DDX19A: variants seen among roughly 807,000 people sequenced by gnomAD.
DDX19A encodes the protein ATP-dependent RNA helicase DDX19A.
Under a neutral mutation model 60.6 loss-of-function variants are expected in DDX19A, and 12 were observed. The observed-to-expected ratio is 0.20, with a 90% CI of 0.13 to 0.32. The LOEUF is 0.32. Among genes scored for constraint, DDX19A ranks in the 10% least tolerant of loss-of-function variants. The probability of loss-of-function intolerance (pLI) is 1.00; values close to 1 mark genes in which losing one functional copy is unlikely to be tolerated. For synonymous variants in DDX19A, 206 were observed against 218.2 expected, an observed-to-expected ratio of 0.94 and a Z score of 0.49; for missense variants, 337 against 600.6, an observed-to-expected ratio of 0.56 and a Z score of 4.59.
At chr16:70,353,451 T>C (rs1412808991) in intron 2 of DDX19A, among the ~76,000 whole-genome samples, 5 of 152,134 alleles carry the variant, frequency 3.3e-5, no homozygotes, top group South Asian at 2.1e-4. Context: ...ATCTTGTAGG[T>C]TGGACACAGT....
chr16:70,372,197 G>C lies in DDX19A; in HGVS notation c.*211G>C. On this transcript the variant is annotated 3_prime_UTR_variant, in exon 12 of 12. Transcript: ENST00000302243. ...AAAAAATTTGCATTTTGGAAAATTGGGTCCTTTCCCCACTTTTTTAAAGCC... is the reference window on the plus strand; with the variant it reads ...AAAAAATTTGCATTTTGGAAAATTGCGTCCTTTCCCCACTTTTTTAAAGCC... The C allele has an allele frequency of 1.4e-6, 1 of 714,402 alleles. No homozygotes were observed. Among genetic ancestry groups the C allele is most frequent in the Non-Finnish European group, 2.3e-6 (1 of 432,474 alleles). The allele number at this position is 714,402 out of a possible 1,614,324, so 44.3% of individuals were successfully genotyped here.
chr16:70,358,755 G>T (rs967718255), intron 4 of DDX19A, among the ~76,000 whole-genome samples: 1 of 152,142 alleles, frequency 6.6e-6, no homozygotes, highest in African/African-American at 2.4e-5. Flanking sequence ...GCTGAGGTAG[G>T]AGAATTGCTT....
At chr16:70,347,137 G>A in intron 1 of DDX19A, 89 bp downstream of exon 1, 3 of 1,331,626 alleles carry the variant, frequency 2.3e-6, no homozygotes, top group Non-Finnish European at 3.1e-6. Flanking sequence ...GGTTGGGGAG[G>A]CCCCTGGGCA....
chr16:70,355,257 C>G (rs1450006725), intron 2 of DDX19A, among the ~76,000 whole-genome samples: 1 of 152,124 alleles, frequency 6.6e-6, no homozygotes, highest in African/African-American at 2.4e-5. Flanking sequence ...CGTGCCTAAT[C>G]CCAGCTACTC....
At chr16:70,355,683 C>T (rs374673583) in intron 3 of DDX19A, 148 bp downstream of exon 3, 10 of 673,798 alleles carry the variant, frequency 1.5e-5, no homozygotes, top group African/African-American at 3.6e-5. Context: ...AAAACAAGTC[C>T]GAAAGCGGTA....
In DDX19A at chr16:70,373,159, C is replaced by T. The variant is rs2047307789; in HGVS notation, c.*1173C>T. On this transcript the variant is annotated 3_prime_UTR_variant, in exon 12 of 12. Coordinates refer to ENST00000302243, the MANE Select transcript of DDX19A (RefSeq NM_018332.5). ...GCTGAGGTAGGAGGATCGCTTGAGC[C>T]TGGGTAGAGGCTGCTGTGAGCTGAA... 1 of 152,144 alleles carries T rather than the reference C, an allele frequency of 6.6e-6. No individual in the cohort carries two copies. Among genetic ancestry groups the T allele is most frequent in the African/African-American group, 2.4e-5 (1 of 41,426 alleles). 9.4% of individuals were successfully genotyped at this position (152,144 alleles called of 1,614,324 possible). A position where few individuals can be genotyped will look rare whatever the true frequency, so the allele number is the denominator to read the frequency against.
intron 2 of DDX19A, among the ~76,000 whole-genome samples, chr16:70,353,047 A>T (rs113648806): frequency 3.9e-5 from 6 of 152,212 alleles, no homozygotes; most frequent in African/African-American, 1.4e-4. Context: ...TTTTACATGT[A>T]TGCAAGTGTC....
At chr16:70,365,943 C>G (rs939884719) in intron 7 of DDX19A, 142 bp from the exon 8 acceptor site, 1 of 1,311,450 alleles carries the variant, frequency 7.6e-7, no homozygotes, top group Non-Finnish European at 1.1e-6. Flanking sequence ...CAGAAGAGAC[C>G]AAGACTGAGG....
intron 1 of DDX19A, 77 bp from the exon 2 acceptor site, chr16:70,350,480 G>C (rs1597520081): frequency 4.4e-6 from 5 of 1,125,456 alleles, no homozygotes; most frequent in South Asian, 1.4e-5. Flanking sequence ...ACTTTTACTA[G>C]AAAGTTTTTC....
intron 4 of DDX19A, chr16:70,356,747 C>T (rs1468444469): frequency 4.5e-6 from 2 of 443,764 alleles, no homozygotes; most frequent in Admixed American, 4.5e-5. Context: ...TAATCTCCCA[C>T]CCTTGTGTCC....
In DDX19A at chr16:70,370,991, G is replaced by A. The variant is rs541587064; in HGVS notation, c.1184-381G>A. On this transcript the variant is annotated intron_variant, in intron 10 of 11. Transcript: ENST00000302243. The stretch of plus-strand genomic sequence containing the variant: ...GCCTGGGCAACAAGAGCGAAACTCC[G>A]TCTCAAAAATAAAAAAAGAAAGAAA... 20 of 306,502 alleles carry A rather than the reference G, an allele frequency of 6.5e-5. 1 individual carries two copies. Among genetic ancestry groups the A allele is most frequent in the Admixed American group, 6.2e-4 (13 of 20,954 alleles). The allele number at this position is 306,502 out of a possible 1,614,324, so 19.0% of individuals were successfully genotyped here. A position where few individuals can be genotyped will look rare whatever the true frequency, so the allele number is the denominator to read the frequency against.
At chr16:70,366,574 G>A (rs767552761) in intron 8 of DDX19A, 50 bp from the exon 9 acceptor site, 6 of 1,610,100 alleles carry the variant, frequency 3.7e-6, no homozygotes, top group Middle Eastern at 3.3e-4. Flanking sequence ...CTGTGCTTCC[G>A]TTGCTTCCCA....
rs757883952 is a variant in DDX19A, at chr16:70,346,954, C to T, written c.-38C>T. 6.3e-7 allele frequency: 1 copy of T among 1,598,458 alleles called. No homozygotes were observed. Among genetic ancestry groups the T allele is most frequent in the South Asian group, 1.1e-5 (1 of 89,178 alleles). On this transcript the variant is annotated 5_prime_UTR_variant, in exon 1 of 12. Coordinates refer to ENST00000302243, the MANE Select transcript of DDX19A (RefSeq NM_018332.5). ...GGGCCCGCGTTGCGACGTGGTGCAGCGCATATTTTCACAAGTGGGTCTCCC... is the reference window on the plus strand; with the variant it reads ...GGGCCCGCGTTGCGACGTGGTGCAGTGCATATTTTCACAAGTGGGTCTCCC...
rs1336012869 is a variant in DDX19A, at chr16:70,356,316, A to G, written c.293+69A>G. 9 of 1,572,548 alleles carry G rather than the reference A, an allele frequency of 5.7e-6. No homozygotes were observed. In the African/African-American group the frequency reaches 1.2e-4, roughly 22 times the overall value. ...CCCCACATAAAACTTAGCATCTGAG[A>G]GATTCTTGTGAGAATTTTACTTTTA... On this transcript the variant is annotated intron_variant, in intron 4 of 11. Coordinates refer to ENST00000302243, the MANE Select transcript of DDX19A (RefSeq NM_018332.5).
chr16:70,352,828 G>A (rs915461892), intron 2 of DDX19A, among the ~76,000 whole-genome samples: 1 of 151,038 alleles, frequency 6.6e-6, no homozygotes, highest in Non-Finnish European at 1.5e-5. Flanking sequence ...AGTAGAGATG[G>A]GGTTTCTCCA....
In DDX19A at chr16:70,355,554, C is replaced by A; in HGVS notation, c.157+19C>A. 1 of 1,611,734 alleles carries A rather than the reference C, an allele frequency of 6.2e-7. No homozygotes were observed. The highest frequency in any genetic ancestry group is 1.1e-5 in the South Asian group (1 of 91,010). Reference sequence around the variant, plus strand: ...GAGAAAGGTAACTACTTTTGGATGCCCTTGGCAAGAGACGGTATGACCCAG... The same window carrying A: ...GAGAAAGGTAACTACTTTTGGATGCACTTGGCAAGAGACGGTATGACCCAG... On this transcript the variant is annotated intron_variant, in intron 3 of 11. Coordinates refer to ENST00000302243, the MANE Select transcript of DDX19A (RefSeq NM_018332.5).
rs749266310 is a variant in DDX19A, at chr16:70,364,995, T to A, written c.490-22T>A. On this transcript the variant is annotated intron_variant, in intron 6 of 11. Transcript: ENST00000302243. ...TTACCAAATGGCTCTCCTAAACTCA[T>A]CCTTTATGATTTTTCTGTCAGTGTC... 39 of 1,600,480 alleles carry A rather than the reference T, an allele frequency of 2.4e-5. No individual in the cohort carries two copies. The South Asian group carries it at 4.2e-4, about 17-fold the overall frequency.
intron 9 of DDX19A, among the ~76,000 whole-genome samples, chr16:70,369,497 C>G (rs1964619045): frequency 6.6e-6 from 1 of 151,966 alleles, no homozygotes; most frequent in African/African-American, 2.4e-5. Flanking sequence ...GTCTTTTACT[C>G]CTAGGCTCAA....
intron 2 of DDX19A, among the ~76,000 whole-genome samples, chr16:70,353,525 A>T (rs1964091167): frequency 1.3e-5 from 2 of 151,896 alleles, no homozygotes; most frequent in Non-Finnish European, 2.9e-5. Flanking sequence ...GGTCAGCCCT[A>T]TCAGATTGGC....
Sources: allele counts gnomAD v4.1 joint callset (sites outside exome capture counted in the v4.1 genomes callset), GRCh38; gene constraint gnomAD v4.1.1; transcripts MANE v1.5; gene names NCBI Gene and HGNC (gene_info 2026-07-23, HGNC 2026-07-21).